ACACA: variants seen among roughly 807,000 people sequenced by gnomAD.
The protein encoded by ACACA is acetyl-CoA carboxylase alpha.
A neutral mutation model predicts 296.1 loss-of-function variants in ACACA; 103 were observed. That is an observed-to-expected ratio of 0.35 (90% CI 0.30 to 0.41). The LOEUF is 0.41. Ranked by LOEUF, ACACA falls within the 10% of genes least tolerant of loss-of-function variation. ACACA has a pLI of 1.00. For missense variants in ACACA, 1,554 were observed against 2,989.7 expected, an observed-to-expected ratio of 0.52 and a Z score of 11.20; for synonymous variants, 953 against 1,038.6, an observed-to-expected ratio of 0.92 and a Z score of 1.58.
chr17:37,213,170 CAT>C (rs558542562), intron 29 of ACACA, among the ~76,000 whole-genome samples: 5 of 151,432 alleles, frequency 3.3e-5, no homozygotes, highest in African/African-American at 7.3e-5. Flanking sequence ...CACACACACA[CAT>C]ACACACACAC....
chr17:37,390,263 T>C (rs1342743438), intron 1 of ACACA, among the ~76,000 whole-genome samples: 1 of 66,292 alleles, frequency 1.5e-5, no homozygotes, highest in Non-Finnish European at 2.5e-5. Flanking sequence ...TTATATATAA[T>C]TATATATAAT....
chr17:37,181,037 T>C lies in ACACA; in HGVS notation c.4932+164A>G, dbSNP rs147399375. On this transcript the variant is annotated intron_variant, in intron 40 of 55. Coordinates refer to ENST00000616317, the MANE Select transcript of ACACA (RefSeq NM_198834.3). ...AATTCATAAAGAACCATCCAATATC[T>C]GAGTTGGCAGTCACCAATCCTCAAA... 5.3e-5 allele frequency among the ~76,000 whole-genome samples: 8 copies of C among 152,310 alleles called. No homozygotes were observed. The East Asian group carries it at 1.3e-3, about 26-fold the overall frequency.
In ACACA at chr17:37,312,021, TGAG is replaced by T. The variant is rs748532934; in HGVS notation, c.338+18149_338+18151del. Among the ~76,000 whole-genome samples the T allele has an allele frequency of 5.8e-4, 88 of 152,040 alleles. No homozygotes were observed. The Middle Eastern group carries it at 0.014, about 24-fold the overall frequency. On this transcript the variant is annotated intron_variant, in intron 3 of 55. Transcript: ENST00000616317. ...AATCCTAGCATTTGGGAAACTGAGG[TGAG>T]GAGATCACTTGAGGCCAGGAGTTTG...
intron 30 of ACACA, among the ~76,000 whole-genome samples, chr17:37,209,003 A>T (rs956390775): frequency 4.6e-5 from 7 of 152,192 alleles, no homozygotes; most frequent in African/African-American, 1.7e-4. Flanking sequence ...AAGGCAATGG[A>T]ATTCTTTGTA....
chr17:37,282,029 C>G (rs562050407), intron 5 of ACACA, among the ~76,000 whole-genome samples: 1 of 152,222 alleles, frequency 6.6e-6, no homozygotes, highest in South Asian at 2.1e-4. Flanking sequence ...CATATAATAA[C>G]ATGATATAGT....
chr17:37,266,541 T>C (rs1464875879), intron 10 of ACACA, among the ~76,000 whole-genome samples: 2 of 152,122 alleles, frequency 1.3e-5, no homozygotes, highest in Non-Finnish European at 2.9e-5. Context: ...CCTTAAAGAT[T>C]TCTGAGGCCT....
intron 35 of ACACA, among the ~76,000 whole-genome samples, chr17:37,195,312 T>A (rs761070322): frequency 6.6e-6 from 1 of 152,132 alleles, no homozygotes; most frequent in South Asian, 2.1e-4. Context: ...AACAAAACAG[T>A]AATAAAAAAT....
At chr17:37,138,391 G>A (rs2075419203) in intron 45 of ACACA, among the ~76,000 whole-genome samples, 1 of 152,204 alleles carries the variant, frequency 6.6e-6, no homozygotes, top group African/African-American at 2.4e-5. Flanking sequence ...AGAAAAGACT[G>A]GAGTCCTTGC....
Position 37,161,863 on chromosome 17 carries a change from T to C in ACACA, c.5267A>G (p.Asn1756Ser). 1 of 1,614,182 alleles carries C rather than the reference T, an allele frequency of 6.2e-7. No homozygotes were observed. The highest frequency in any genetic ancestry group is 8.5e-7 in the Non-Finnish European group (1 of 1,180,026). ...TGCCAGTCCGATTCTTGCTCCACTG[T>C]TGGCTGATACATAGATGCGTGGAAT... ...EGIPRIYVSANSGARIGLAEE... is the reference protein window; with the variant it reads ...EGIPRIYVSASSGARIGLAEE... Residue 1756 changes from asparagine (N) to serine (S), a missense_variant, in exon 42 of 56, where the codon AAC becomes AGC. Asn to Ser is a conservative substitution (Grantham distance 46). Transcript: ENST00000616317.
chr17:37,122,520 AG>A lies in ACACA; in HGVS notation c.6138+10del. Reference sequence around the variant, plus strand: ...CCAAGCACAGCCCCCAGTGTACTTGAGGTGGCCTACCTTGGCTTCAGAATCC... The same window carrying A: ...CCAAGCACAGCCCCCAGTGTACTTGAGTGGCCTACCTTGGCTTCAGAATCC... On this transcript the variant is annotated intron_variant, in intron 49 of 55. Coordinates refer to ENST00000616317, the MANE Select transcript of ACACA (RefSeq NM_198834.3). 1 of 1,611,476 alleles carries A rather than the reference AG, an allele frequency of 6.2e-7. No individual in the cohort carries two copies. The highest frequency in any genetic ancestry group is 1.3e-5 in the African/African-American group (1 of 75,006).
chr17:37,099,316 T>C (rs996829771), intron 52 of ACACA, among the ~76,000 whole-genome samples: 5 of 152,220 alleles, frequency 3.3e-5, no homozygotes, highest in African/African-American at 1.2e-4. Context: ...GTGCCACTGA[T>C]CTGCTGCTTT....
rs71368443 is a variant in ACACA at position 37,119,589 on chromosome 17, AACACACACACACACACACACACACAC to A, written c.6274+1740_6274+1765del. Among the ~76,000 whole-genome samples the A allele has an allele frequency of 2.4e-4, 31 of 128,440 alleles. No homozygotes were observed. In the East Asian group the frequency reaches 3.4e-3, roughly 14 times the overall value. 84.3% of individuals were successfully genotyped at this position (128,440 alleles called of 152,430 possible). A position where few individuals can be genotyped will look rare whatever the true frequency, so the allele number is the denominator to read the frequency against. ...CAGGCAAAGGTAAACTTTTCAACCA[AACACACACACACACACACACACACAC>A]ACACACACACACACACACACACACA... On this transcript the variant is annotated intron_variant, in intron 50 of 55. Transcript: ENST00000616317.
At chr17:37,114,825 G>A (rs974031102) in intron 50 of ACACA, among the ~76,000 whole-genome samples, 1 of 152,180 alleles carries the variant, frequency 6.6e-6, no homozygotes, top group Non-Finnish European at 1.5e-5. Flanking sequence ...ATCAAAGAGA[G>A]GATCTCAATT....
Position 37,097,075 on chromosome 17 carries a change from T to C in ACACA, c.6812A>G (p.Asn2271Ser), listed in dbSNP as rs139634742. The C allele has an allele frequency of 4.3e-5, 69 of 1,614,022 alleles. No individual in the cohort carries two copies. The highest frequency in any genetic ancestry group is 5.3e-5 in the Non-Finnish European group (63 of 1,180,042). Residue 2271 changes from asparagine (N) to serine (S), a missense_variant, in exon 54 of 56, where the codon AAT (asparagine) becomes AGT (serine). Asn to Ser is a conservative substitution (Grantham distance 46). This residue lies in a region of ACACA where 553 missense variants were observed against 1,043.6 expected (regional missense o/e 0.53). Transcript: ENST00000616317. This position sits in a 1 kb window ranked among gnomAD's most constrained non-coding sequence, Gnocchi z 4.8. ...GCCATCAGTCAGCTCAGGGTTGGCA[T>C]TGTGGATTTTCTTCTTGACCAGGTC... The part of the protein sequence containing the change: ...LEDLVKKKIH[N>S]ANPELTDGQI...
chr17:37,309,856 A>G (rs1467739110), intron 3 of ACACA, among the ~76,000 whole-genome samples: 1 of 151,984 alleles, frequency 6.6e-6, no homozygotes, highest in Non-Finnish European at 1.5e-5. Flanking sequence ...CTTTGAGACC[A>G]GCCTGGGCCA....
intron 9 of ACACA, among the ~76,000 whole-genome samples, chr17:37,273,880 G>A (rs952169110): frequency 6.6e-6 from 1 of 152,226 alleles, no homozygotes; most frequent in Non-Finnish European, 1.5e-5. Flanking sequence ...GGTAGAGAGA[G>A]AGAGAATCAG....
intron 38 of ACACA, among the ~76,000 whole-genome samples, chr17:37,190,061 T>G (rs568628273): frequency 4.4e-4 from 66 of 149,162 alleles, no homozygotes; most frequent in African/African-American, 1.5e-3. Flanking sequence ...GCAGCAAAAA[T>G]TCATGCCTAC....
In ACACA at chr17:37,113,483, T is replaced by TCAAAAGATACAGTGTGTAAGTCTTC. The variant is rs1327047569; in HGVS notation, c.6275-219_6275-218insGAAGACTTACACACTGTATCTTTTG. 6.6e-6 allele frequency among the ~76,000 whole-genome samples: 1 copy of TCAAAAGATACAGTGTGTAAGTCTTC among 152,196 alleles called. No individual in the cohort carries two copies. The highest frequency in any genetic ancestry group is 1.5e-5 in the Non-Finnish European group (1 of 68,024). On this transcript the variant is annotated intron_variant, in intron 50 of 55. Coordinates refer to ENST00000616317, the MANE Select transcript of ACACA (RefSeq NM_198834.3). The surrounding 1 kb of genome is among the most constrained non-coding windows in gnomAD (Gnocchi z 4.0). ...CAGCAACAGAGAGATGCACTGTCTT[T>TCAAAAGATACAGTGTGTAAGTCTTC]CACAAGATACAGTGTGTAAGTCTTC... is the stretch of plus-strand genomic sequence containing the variant.
At chr17:37,334,433 T>C (rs1031995548) in intron 2 of ACACA, among the ~76,000 whole-genome samples, 3 of 151,912 alleles carry the variant, frequency 2.0e-5, no homozygotes, top group Non-Finnish European at 2.9e-5. Context: ...TAATTCCCCA[T>C]CCCTAGATAC....
Sources: gnomAD v4.1 joint callset for allele counts (sites outside exome capture counted in the v4.1 genomes callset) on GRCh38, gnomAD v4.1.1 for gene constraint, gnomAD v4.1.1 regional missense constraint, Gnocchi (gnomAD v3.1) non-coding constraint, MANE v1.5 for transcripts, NCBI Gene and HGNC (gene_info 2026-07-23, HGNC 2026-07-21) for gene names.